The following NAALADL2 variants were observed in gnomAD, a reference collection of about 807,000 sequenced individuals.
The protein encoded by NAALADL2 is N-acetylated alpha-linked acidic dipeptidase like 2.
Under a neutral mutation model 87.2 loss-of-function variants are expected in NAALADL2, and 76 were observed. That is an observed-to-expected ratio of 0.87 (90% CI 0.72 to 1.05). The LOEUF is 1.05. Ranked by LOEUF, NAALADL2 falls within the 50% of genes least tolerant of loss-of-function variation. The pLI, the probability that NAALADL2 is intolerant of heterozygous loss-of-function variation, is 0.00. For missense variants in NAALADL2, 1,089 were observed against 945.8 expected (o/e 1.15, Z -1.99); for synonymous variants, 354 against 331.0 (o/e 1.07, Z -0.75).
At chr3:174,737,139 C>G (rs544755683) in intron 2 of NAALADL2, among the ~76,000 whole-genome samples, 8 of 152,322 alleles carry the variant, frequency 5.3e-5, no homozygotes, top group African/African-American at 1.7e-4. Flanking sequence ...CACGCCTCCC[C>G]TACTGTAGCC....
At chr3:175,282,053 A>T (rs991434344) in intron 4 of NAALADL2, among the ~76,000 whole-genome samples, 2 of 152,052 alleles carry the variant, frequency 1.3e-5, no homozygotes, top group African/African-American at 4.8e-5. Context: ...AAATTAAGGA[A>T]TGATTAGTTA....
chr3:175,416,742 G>A (rs1289174613), intron 5 of NAALADL2, among the ~76,000 whole-genome samples: 3 of 151,994 alleles, frequency 2.0e-5, no homozygotes, highest in African/African-American at 7.2e-5. Flanking sequence ...CATTCAAATT[G>A]TTTGCATTAC....
intron 10 of NAALADL2, among the ~76,000 whole-genome samples, chr3:175,617,951 G>A (rs779743465): frequency 5.9e-5 from 9 of 151,910 alleles, no homozygotes; most frequent in Admixed American, 2.0e-4. Flanking sequence ...TTTCATCATC[G>A]GGGTCCCATG....
Position 174,589,099 on chromosome 3 carries a change from G to A in NAALADL2, c.-115+38462G>A, listed in dbSNP as rs368787111. Among the ~76,000 whole-genome samples, 18 of 152,100 alleles carry A rather than the reference G, an allele frequency of 1.2e-4. No individual in the cohort carries two copies. The East Asian group carries it at 1.9e-3, about 16-fold the overall frequency. On this transcript the variant is annotated intron_variant, in intron 2 of 3. Transcript: ENST00000434257. ...TGGCGGACACCCCTCCCCCAGCCTC[G>A]CTGCCACCTTGCAGTTCGATCTCAG...
intron 11 of NAALADL2, among the ~76,000 whole-genome samples, chr3:175,629,127 A>G (rs942933476): frequency 1.8e-4 from 27 of 148,730 alleles, no homozygotes; most frequent in African/African-American, 6.6e-4. Context: ...GAGATTATAT[A>G]TATATAATAT....
chr3:175,686,175 T>A (rs893000268), intron 11 of NAALADL2, among the ~76,000 whole-genome samples: 3 of 152,208 alleles, frequency 2.0e-5, no homozygotes, highest in Admixed American at 1.3e-4. Flanking sequence ...ATAAAATAAG[T>A]AGTTGTGGAG....
chr3:174,653,875 A>G (rs557471488), intron 2 of NAALADL2, among the ~76,000 whole-genome samples: 1 of 152,248 alleles, frequency 6.6e-6, no homozygotes, highest in East Asian at 1.9e-4. Context: ...CTTCTTTCCA[A>G]GTTTTTCTCC....
chr3:174,562,437 A>G (rs1424602575), intron 2 of NAALADL2, among the ~76,000 whole-genome samples: 1 of 152,180 alleles, frequency 6.6e-6, no homozygotes, highest in Non-Finnish European at 1.5e-5. Flanking sequence ...GAAAAAGAAT[A>G]ATATGTGAAA....
chr3:174,617,089 A>G (rs1285963554), intron 2 of NAALADL2, among the ~76,000 whole-genome samples: 1 of 151,784 alleles, frequency 6.6e-6, no homozygotes, highest in African/African-American at 2.4e-5. Context: ...GCTGCGACAC[A>G]GGACTACAAA....
intron 11 of NAALADL2, among the ~76,000 whole-genome samples, chr3:175,698,467 ATG>A (rs1311771827): frequency 1.3e-4 from 16 of 126,534 alleles, no homozygotes; most frequent in African/African-American, 2.9e-4. Flanking sequence ...ATGTGTATAT[ATG>A]TGTGTATATA....
At chr3:174,688,509 A>G (rs1192820251) in intron 2 of NAALADL2, among the ~76,000 whole-genome samples, 1 of 152,098 alleles carries the variant, frequency 6.6e-6, no homozygotes, top group Non-Finnish European at 1.5e-5. Flanking sequence ...ATGAGTTAAT[A>G]TACACTAAGT....
At chr3:174,519,348 A>G (rs1031931934) in intron 1 of NAALADL2, among the ~76,000 whole-genome samples, 1 of 144,170 alleles carries the variant, frequency 6.9e-6, no homozygotes, top group Admixed American at 6.9e-5. Flanking sequence ...TTTTTTTGAG[A>G]CAGAGTTTCA....
chr3:175,678,544 A>T (rs1453773259), intron 11 of NAALADL2, among the ~76,000 whole-genome samples: 1 of 152,234 alleles, frequency 6.6e-6, no homozygotes, highest in African/African-American at 2.4e-5. Context: ...CTATGCAGCC[A>T]TAAAAAATGA....
chr3:174,995,274 C>CATCG (rs1747282127), intron 1 of NAALADL2, among the ~76,000 whole-genome samples: 1 of 152,114 alleles, frequency 6.6e-6, no homozygotes, highest in African/African-American at 2.4e-5. Context: ...AAAGCAAAGG[C>CATCG]ATCGGGTAGA....
At chr3:174,851,905 A>G (rs1725301197) in intron 3 of NAALADL2, among the ~76,000 whole-genome samples, 1 of 152,184 alleles carries the variant, frequency 6.6e-6, no homozygotes, top group Admixed American at 6.5e-5. Flanking sequence ...CATCCCAGGG[A>G]TGCAACGATG....
intron 2 of NAALADL2, among the ~76,000 whole-genome samples, chr3:174,688,207 A>G (rs1728225426): frequency 6.6e-6 from 1 of 152,148 alleles, no homozygotes; most frequent in Non-Finnish European, 1.5e-5. Context: ...TGTCTTGGAT[A>G]AACCATTTAG....
intron 6 of NAALADL2, among the ~76,000 whole-genome samples, chr3:175,453,943 A>C (rs1721945279): frequency 6.6e-6 from 1 of 152,076 alleles, no homozygotes; most frequent in Admixed American, 6.6e-5. Flanking sequence ...TACCTTCCGG[A>C]ATAGCTGAAC....
At chr3:175,603,487 C>G (rs539858640) in intron 10 of NAALADL2, among the ~76,000 whole-genome samples, 1 of 152,286 alleles carries the variant, frequency 6.6e-6, no homozygotes, top group South Asian at 2.1e-4. Context: ...CTTCTCCCTC[C>G]AGGCCCTGAC....
rs568210822 is a variant in NAALADL2, at chr3:175,565,892, C to T, written c.1654-10149C>T. ...TCCCCCAGGCTGGAGTGCAGTGGTG[C>T]GTTATTGGCTCACCGCAACCTTCGC... is the stretch of plus-strand genomic sequence containing the variant. On this transcript the variant is annotated intron_variant, in intron 9 of 13. Transcript: ENST00000454872. 8.5e-5 allele frequency among the ~76,000 whole-genome samples: 10 copies of T among 118,136 alleles called. No homozygotes were observed. In the South Asian group the frequency reaches 8.9e-4, roughly 11 times the overall value. The allele number at this position is 118,136 out of a possible 152,430, so 77.5% of individuals were successfully genotyped here.
Sources: allele counts gnomAD v4.1 joint callset (sites outside exome capture counted in the v4.1 genomes callset), GRCh38; gene constraint gnomAD v4.1.1; transcripts MANE v1.5; gene names NCBI Gene and HGNC (gene_info 2026-07-23, HGNC 2026-07-21).